The following BEND6 variants were observed in gnomAD, a reference collection of about 807,000 sequenced individuals.
BEND6 encodes the protein BEN domain containing 6.
BEND6 carries 24 observed loss-of-function variants against 31.8 expected under a neutral mutation model. The ratio of observed to expected loss-of-function variants is 0.75; its 90% CI spans 0.55 to 1.06. The LOEUF is 1.06. Ranked by LOEUF, BEND6 falls within the 50% of genes least tolerant of loss-of-function variation. The probability of loss-of-function intolerance (pLI) is 0.00; values close to 1 mark genes in which losing one functional copy is unlikely to be tolerated. For synonymous variants in BEND6, 109 were observed against 114.6 expected, an observed-to-expected ratio of 0.95 and a Z score of 0.31; for missense variants, 294 against 327.4, an observed-to-expected ratio of 0.90 and a Z score of 0.79.
chr6:57,023,136 C>T (rs1461314478), intron 6 of BEND6, among the ~76,000 whole-genome samples: 1 of 152,118 alleles, frequency 6.6e-6, no homozygotes, highest in African/African-American at 2.4e-5. Context: ...TCAGTTTGGC[C>T]TATGTGATCT....
chr6:56,969,687 T>C (rs926066763), intron 1 of BEND6, among the ~76,000 whole-genome samples: 1 of 152,080 alleles, frequency 6.6e-6, no homozygotes, highest in African/African-American at 2.4e-5. Flanking sequence ...GAGACACCTG[T>C]ATTACATTTT....
At position 56,993,981 on chromosome 6, in the gene BEND6, T is replaced by C. The variant is rs1466736376; in HGVS notation, c.298+1426T>C. Among the ~76,000 whole-genome samples the C allele has an allele frequency of 3.3e-5, 5 of 152,314 alleles. No homozygotes were observed. The South Asian group carries it at 8.3e-4, about 25-fold the overall frequency. On this transcript the variant is annotated intron_variant, in intron 3 of 6. Transcript: ENST00000370746. The stretch of plus-strand genomic sequence containing the variant: ...TCCCAAAGTGCTGGGATTACAGGTG[T>C]GAGCCACCGTACCTGGCCTTATTTC...
At chr6:56,983,878 T>C (rs1408453419) in intron 2 of BEND6, among the ~76,000 whole-genome samples, 2 of 152,192 alleles carry the variant, frequency 1.3e-5, no homozygotes, top group Non-Finnish European at 2.9e-5. Flanking sequence ...AGCATCTTGC[T>C]ACCACAAACA....
rs1474024095 is a variant in BEND6 at position 56,981,838 on chromosome 6, A to G, written c.28A>G (p.Ile10Val). The change falls in exon 2 of 7, where the codon ATT becomes GTT. Residue 10 changes from isoleucine to valine, a missense_variant. Transcript: ENST00000370746. ...GCAGAAGATCGTGCAGACAGATGAA[A>G]TTACCAATACACAAGCTTTTAGAAA... is the stretch of plus-strand genomic sequence containing the variant. MQKIVQTDE[I>V]TNTQAFRKGK... 2.5e-6 allele frequency: 4 copies of G among 1,612,836 alleles called. No individual in the cohort carries two copies. The highest frequency in any genetic ancestry group is 3.4e-6 in the Non-Finnish European group (4 of 1,179,468).
chr6:57,005,879 A>G (rs1242343649), intron 3 of BEND6, among the ~76,000 whole-genome samples: 1 of 152,204 alleles, frequency 6.6e-6, no homozygotes, highest in African/African-American at 2.4e-5. Flanking sequence ...CATTCTGAAA[A>G]AGAAGAATAT....
At chr6:56,965,675 T>A (rs1018536335) in intron 1 of BEND6, among the ~76,000 whole-genome samples, 9 of 116,478 alleles carry the variant, frequency 7.7e-5, no homozygotes, top group Admixed American at 7.0e-4. Context: ...CACAAAAAAA[T>A]TTATATATAT....
chr6:56,997,695 A>C (rs960431362), intron 3 of BEND6, among the ~76,000 whole-genome samples: 1 of 152,138 alleles, frequency 6.6e-6, no homozygotes, highest in Admixed American at 6.5e-5. Context: ...CTGGGACTAC[A>C]GGTGCCTGCC....
intron 2 of BEND6, among the ~76,000 whole-genome samples, chr6:56,990,245 G>A (rs1454188803): frequency 2.1e-5 from 3 of 143,496 alleles, no homozygotes; most frequent in South Asian, 2.2e-4. Context: ...TGGGCCACTC[G>A]CTTCTTTTTT....
At chr6:56,977,996 G>T (rs1325837543) in intron 1 of BEND6, among the ~76,000 whole-genome samples, 2 of 151,796 alleles carry the variant, frequency 1.3e-5, no homozygotes, top group African/African-American at 4.8e-5. Flanking sequence ...CAAGTATGGT[G>T]GCTCATACCT....
intron 1 of BEND6, among the ~76,000 whole-genome samples, chr6:56,962,327 C>A (rs1038158313): frequency 2.6e-5 from 4 of 152,224 alleles, no homozygotes; most frequent in African/African-American, 9.6e-5. Context: ...TCCCTCTCCA[C>A]CACCATATTT....
chr6:56,964,998 C>G (rs1013595785), intron 1 of BEND6, among the ~76,000 whole-genome samples: 7 of 152,204 alleles, frequency 4.6e-5, no homozygotes, highest in African/African-American at 1.7e-4. Context: ...CTGACTTGCC[C>G]TATGGCTAAC....
At chr6:56,972,237 G>A (rs796295665) in intron 1 of BEND6, among the ~76,000 whole-genome samples, 16 of 151,872 alleles carry the variant, frequency 1.1e-4, no homozygotes, top group African/African-American at 3.9e-4. Flanking sequence ...TGCGACTAAA[G>A]TCATGCGCCA....
intron 1 of BEND6, among the ~76,000 whole-genome samples, chr6:56,966,363 A>G (rs1266638216): frequency 6.6e-6 from 1 of 152,120 alleles, no homozygotes; most frequent in South Asian, 2.1e-4. Context: ...CGGCCTCCCA[A>G]AGTGCTAGGA....
intron 1 of BEND6, among the ~76,000 whole-genome samples, chr6:56,981,071 G>A (rs1826048024): frequency 6.6e-6 from 1 of 151,954 alleles, no homozygotes; most frequent in Admixed American, 6.6e-5. Context: ...ACCTCGGCCT[G>A]CCAAAGTGCT....
At chr6:56,957,622 A>G (rs1005915588) in intron 1 of BEND6, among the ~76,000 whole-genome samples, 1 of 152,192 alleles carries the variant, frequency 6.6e-6, no homozygotes, top group African/African-American at 2.4e-5. Context: ...TAAAAGTCAC[A>G]CACAAAAAAA....
chr6:57,020,794 T>G (rs1244582161), intron 6 of BEND6, among the ~76,000 whole-genome samples: 3 of 152,090 alleles, frequency 2.0e-5, no homozygotes, highest in South Asian at 4.2e-4. Context: ...ACTGTTATAT[T>G]TCAGAGGTCT....
chr6:56,964,267 A>T (rs1825390649), intron 1 of BEND6, among the ~76,000 whole-genome samples: 2 of 152,088 alleles, frequency 1.3e-5, no homozygotes, highest in South Asian at 4.1e-4. Flanking sequence ...GACTATCTTG[A>T]AATAACTACA....
intron 2 of BEND6, among the ~76,000 whole-genome samples, chr6:56,991,019 T>G (rs1425682307): frequency 3.9e-5 from 6 of 152,212 alleles, no homozygotes; most frequent in Non-Finnish European, 8.8e-5. Flanking sequence ...ATTTTTATCA[T>G]TTTCACCAAT....
At chr6:56,986,972 T>C (rs1249255177) in intron 2 of BEND6, among the ~76,000 whole-genome samples, 1 of 145,986 alleles carries the variant, frequency 6.8e-6, no homozygotes, top group African/African-American at 2.6e-5. Context: ...GTGTTTCTTT[T>C]CTTTTTTTTT....
Sources: gnomAD v4.1 joint callset for allele counts (sites outside exome capture counted in the v4.1 genomes callset) on GRCh38, gnomAD v4.1.1 for gene constraint, MANE v1.5 for transcripts, NCBI Gene and HGNC (gene_info 2026-07-23, HGNC 2026-07-21) for gene names.